IMMP2L: variants seen among roughly 807,000 people sequenced by gnomAD.
IMMP2L encodes mitochondrial inner membrane protease subunit 2.
In IMMP2L, 18 loss-of-function variants were observed where a neutral mutation model predicts 19.3. The ratio of observed to expected loss-of-function variants is 0.93; its 90% CI spans 0.64 to 1.38. The LOEUF (loss-of-function observed/expected upper bound fraction) is 1.38, where lower values mean the gene tolerates loss of function less well. Ranked by LOEUF, IMMP2L falls within the 40% of genes most tolerant of loss-of-function variation. The pLI, the probability that IMMP2L is intolerant of heterozygous loss-of-function variation, is 0.00. For synonymous variants in IMMP2L, 76 were observed against 73.0 expected (o/e 1.04, Z -0.21); for missense variants, 233 against 218.2 (o/e 1.07, Z -0.43).
chr7:110,995,693 A>G (rs1206225635), intron 3 of IMMP2L, among the ~76,000 whole-genome samples: 1 of 152,134 alleles, frequency 6.6e-6, no homozygotes, highest in Non-Finnish European at 1.5e-5. Flanking sequence ...AGGCAGCATC[A>G]TAAGTAGCCA....
At chr7:111,168,171 T>A (rs1806040481) in intron 3 of IMMP2L, among the ~76,000 whole-genome samples, 2 of 152,002 alleles carry the variant, frequency 1.3e-5, no homozygotes, top group African/African-American at 4.8e-5. Context: ...ATGGACTTAA[T>A]TTTGAGTGTT....
At chr7:111,383,939 T>C (rs1831456660) in intron 3 of IMMP2L, among the ~76,000 whole-genome samples, 1 of 152,110 alleles carries the variant, frequency 6.6e-6, no homozygotes, top group Non-Finnish European at 1.5e-5. Flanking sequence ...TGCTCTTGTG[T>C]CTTATTTATA....
chr7:111,238,311 G>A (rs1254344078), intron 3 of IMMP2L, among the ~76,000 whole-genome samples: 1 of 152,004 alleles, frequency 6.6e-6, no homozygotes, highest in East Asian at 1.9e-4. Context: ...AACCTGTAAG[G>A]TTTTAAATCT....
intron 3 of IMMP2L, chr7:111,390,626 T>C (rs760609746): frequency 1.3e-5 from 2 of 152,142 alleles, no homozygotes; most frequent in Non-Finnish European, 2.9e-5. Context: ...GTTAGCCAAA[T>C]ATAAAAGATA....
At chr7:111,269,372 A>G (rs1818199383) in intron 3 of IMMP2L, among the ~76,000 whole-genome samples, 1 of 152,214 alleles carries the variant, frequency 6.6e-6, no homozygotes, top group South Asian at 2.1e-4. Flanking sequence ...CAAATGATAG[A>G]ATTTTTAAGC....
intron 5 of IMMP2L, among the ~76,000 whole-genome samples, chr7:110,818,508 T>C (rs1432863301): frequency 2.0e-5 from 3 of 151,740 alleles, no homozygotes; most frequent in East Asian, 2.0e-4. Context: ...ACTTTTACAC[T>C]GTTGGTGGGA....
intron 3 of IMMP2L, among the ~76,000 whole-genome samples, chr7:111,194,844 AG>A (rs1344619367): frequency 1.3e-5 from 2 of 152,150 alleles, no homozygotes; most frequent in African/African-American, 2.4e-5. Flanking sequence ...AGCTCTACCC[AG>A]TATCAACTTC....
At chr7:111,108,909 C>T (rs941820799) in intron 3 of IMMP2L, among the ~76,000 whole-genome samples, 1 of 152,062 alleles carries the variant, frequency 6.6e-6, no homozygotes, top group African/African-American at 2.4e-5. Context: ...TATTGAACAA[C>T]AATAGCAGGC....
At chr7:110,882,287 G>GCCTGCCTGCCTT (rs1387853201) in intron 5 of IMMP2L, among the ~76,000 whole-genome samples, 15 of 122,066 alleles carry the variant, frequency 1.2e-4, no homozygotes, top group African/African-American at 4.7e-4. Flanking sequence ...TTTGTCAAGT[G>GCCTGCCTGCCTT]CCTTCCTTCC....
intron 5 of IMMP2L, among the ~76,000 whole-genome samples, chr7:110,684,894 C>G (rs546733764): frequency 1.3e-5 from 2 of 152,202 alleles, no homozygotes; most frequent in African/African-American, 4.8e-5. Context: ...TCTGGCCACG[C>G]TCAACCTACT....
At chr7:111,012,892 T>C (rs1585743080) in intron 3 of IMMP2L, among the ~76,000 whole-genome samples, 1 of 152,288 alleles carries the variant, frequency 6.6e-6, no homozygotes, top group East Asian at 1.9e-4. Flanking sequence ...TCCTAAATTA[T>C]TGTAAGAAAA....
At chr7:111,418,529 G>A (rs1835163489) in intron 3 of IMMP2L, among the ~76,000 whole-genome samples, 1 of 151,734 alleles carries the variant, frequency 6.6e-6, no homozygotes, top group Admixed American at 6.6e-5. Context: ...GGTACAAAAA[G>A]CTCACACCTC....
intron 3 of IMMP2L, among the ~76,000 whole-genome samples, chr7:111,309,080 C>T (rs1823207496): frequency 6.6e-6 from 1 of 152,012 alleles, no homozygotes; most frequent in African/African-American, 2.4e-5. Context: ...ATCCAATAAA[C>T]ACAATAATTT....
intron 3 of IMMP2L, among the ~76,000 whole-genome samples, chr7:111,314,887 TA>T (rs1449818595): frequency 3.3e-5 from 5 of 152,148 alleles, no homozygotes; most frequent in African/African-American, 1.2e-4. Flanking sequence ...AGCTGTGAAA[TA>T]TATTCTATTT....
intron 3 of IMMP2L, among the ~76,000 whole-genome samples, chr7:111,321,543 T>C (rs1824720581): frequency 6.6e-6 from 1 of 151,890 alleles, no homozygotes; most frequent in Non-Finnish European, 1.5e-5. Context: ...TTAATATTTA[T>C]CTTTGAGGTT....
intron 4 of IMMP2L, among the ~76,000 whole-genome samples, chr7:110,917,231 G>A (rs1486142895): frequency 1.3e-5 from 2 of 152,194 alleles, no homozygotes; most frequent in Admixed American, 6.5e-5. Context: ...AATCTCTGGA[G>A]GGAGCACAGC....
chr7:111,024,710 A>G (rs1826641944), intron 3 of IMMP2L, among the ~76,000 whole-genome samples: 1 of 152,168 alleles, frequency 6.6e-6, no homozygotes, highest in Non-Finnish European at 1.5e-5. Flanking sequence ...ACTATCACAC[A>G]TCTAGAAGCC....
intron 2 of IMMP2L, among the ~76,000 whole-genome samples, chr7:111,503,667 T>G (rs539359966): frequency 6.6e-6 from 1 of 152,212 alleles, no homozygotes; most frequent in South Asian, 2.1e-4. Context: ...TAGTTCAACA[T>G]ACACAAATCA....
At chr7:110,967,040 G>A (rs939038275) in intron 3 of IMMP2L, among the ~76,000 whole-genome samples, 1 of 152,038 alleles carries the variant, frequency 6.6e-6, no homozygotes, top group Non-Finnish European at 1.5e-5. Flanking sequence ...TTGTTTCTGG[G>A]ATGTGGATTT....
Sources: gnomAD v4.1 joint callset for allele counts (sites outside exome capture counted in the v4.1 genomes callset) on GRCh38, gnomAD v4.1.1 for gene constraint, MANE v1.5 for transcripts, NCBI Gene and HGNC (gene_info 2026-07-23, HGNC 2026-07-21) for gene names.